The following TRPM7 variants were observed in gnomAD, a reference collection of about 807,000 sequenced individuals.
TRPM7 encodes LTRPC ion channel family member 7.
TRPM7 carries 134 observed loss-of-function variants against 229.7 expected under a neutral mutation model. The ratio of observed to expected loss-of-function variants is 0.58; its 90% CI spans 0.51 to 0.67. The LOEUF is 0.67. TRPM7 is among the 30% of genes least tolerant of loss of function. The pLI is 0.00. For synonymous variants in TRPM7, 699 were observed against 715.2 expected (o/e 0.98, Z 0.36); for missense variants, 1,901 against 2,210.0 (o/e 0.86, Z 2.80).
chr15:50,681,048 C>T (rs1283859251), intron 1 of TRPM7, among the ~76,000 whole-genome samples: 2 of 152,050 alleles, frequency 1.3e-5, no homozygotes, highest in Admixed American at 6.6e-5. Flanking sequence ...GTCAGGAGTT[C>T]GAGACCAGCC....
intron 13 of TRPM7, among the ~76,000 whole-genome samples, chr15:50,616,684 CTTT>C (rs34097559): frequency 3.5e-4 from 52 of 149,530 alleles, no homozygotes; most frequent in Admixed American, 6.7e-4. Flanking sequence ...AAAATGTATG[CTTT>C]TTTTTTTTTT....
chr15:50,588,542 T>A (rs1374639601), intron 27 of TRPM7, among the ~76,000 whole-genome samples: 1 of 152,242 alleles, frequency 6.6e-6, no homozygotes, highest in African/African-American at 2.4e-5. Context: ...ATAATTCACC[T>A]GGATCACATA....
At chr15:50,586,150 T>C (rs1372656712) in intron 28 of TRPM7, among the ~76,000 whole-genome samples, 1 of 152,244 alleles carries the variant, frequency 6.6e-6, no homozygotes, top group East Asian at 1.9e-4. Flanking sequence ...GCAGCAGATT[T>C]ACAAAAAGTT....
intron 10 of TRPM7, among the ~76,000 whole-genome samples, chr15:50,628,594 C>A (rs1194522701): frequency 6.6e-6 from 1 of 152,210 alleles, no homozygotes; most frequent in Admixed American, 6.5e-5. Flanking sequence ...GTGTGAGCCA[C>A]AGTGCCCAGC....
intron 7 of TRPM7, among the ~76,000 whole-genome samples, 162 bp from the exon 8 acceptor site, chr15:50,634,718 A>G (rs1268216656): frequency 6.6e-6 from 1 of 152,218 alleles, no homozygotes; most frequent in Admixed American, 6.5e-5. Context: ...CTTGACTTTA[A>G]GCACTCCACC....
chr15:50,621,121 C>T (rs967407501), intron 12 of TRPM7, among the ~76,000 whole-genome samples: 2 of 134,006 alleles, frequency 1.5e-5, no homozygotes, highest in Non-Finnish European at 1.5e-5. Context: ...GATCGCGCCA[C>T]TGCACTCCAG....
intron 3 of TRPM7, among the ~76,000 whole-genome samples, chr15:50,655,587 A>T (rs1258173343): frequency 6.6e-6 from 1 of 152,152 alleles, no homozygotes; most frequent in Non-Finnish European, 1.5e-5. Context: ...GAAAAAAAAA[A>T]TATTTAAAGT....
intron 3 of TRPM7, among the ~76,000 whole-genome samples, chr15:50,657,221 G>A (rs2061599778): frequency 1.3e-5 from 2 of 152,136 alleles, no homozygotes; most frequent in Non-Finnish European, 2.9e-5. Flanking sequence ...CTACTCGGGA[G>A]GCTGAGGCAG....
intron 19 of TRPM7, among the ~76,000 whole-genome samples, chr15:50,607,885 GAAAAA>G (rs758254672): frequency 9.2e-6 from 1 of 109,268 alleles, no homozygotes; most frequent in Admixed American, 9.7e-5. Flanking sequence ...CATCTCTACT[GAAAAA>G]AAAAAAAAAA....
intron 21 of TRPM7, among the ~76,000 whole-genome samples, chr15:50,601,712 A>C (rs962598676): frequency 6.6e-6 from 1 of 152,122 alleles, no homozygotes; most frequent in Non-Finnish European, 1.5e-5. Context: ...AATGAGTGTG[A>C]GAAGTTTAGC....
chr15:50,674,194 G>A (rs1406632150), intron 1 of TRPM7, among the ~76,000 whole-genome samples: 1 of 152,178 alleles, frequency 6.6e-6, no homozygotes, highest in Non-Finnish European at 1.5e-5. Flanking sequence ...TCACCATGTT[G>A]ACCAGGCTGG....
chr15:50,652,766 T>C (rs1244014919), intron 3 of TRPM7, among the ~76,000 whole-genome samples: 1 of 151,976 alleles, frequency 6.6e-6, no homozygotes, highest in Non-Finnish European at 1.5e-5. Flanking sequence ...CTTAGGAGGC[T>C]GAGGTGGGAA....
chr15:50,596,423 A>G (rs765205439), intron 22 of TRPM7, 42 bp from the exon 23 acceptor site: 8 of 1,440,124 alleles, frequency 5.6e-6, no homozygotes, highest in Admixed American at 2.5e-5. Flanking sequence ...CAACTTAAAA[A>G]TAGTAATTCA....
intron 10 of TRPM7, 43 bp from the exon 11 acceptor site, chr15:50,628,292 T>A: frequency 7.1e-7 from 1 of 1,399,004 alleles, no homozygotes; most frequent in Non-Finnish European, 1.0e-6. Flanking sequence ...AATTAATTTA[T>A]CTCCATTAAA....
At chr15:50,618,137 A>G (rs997152976) in intron 13 of TRPM7, among the ~76,000 whole-genome samples, 4 of 152,212 alleles carry the variant, frequency 2.6e-5, no homozygotes, top group South Asian at 4.1e-4. Context: ...AATGGCTATA[A>G]AAGTGGTGAT....
chr15:50,671,804 G>C (rs796176820), intron 1 of TRPM7, among the ~76,000 whole-genome samples: 1 of 147,440 alleles, frequency 6.8e-6, no homozygotes, highest in Non-Finnish European at 1.5e-5. Flanking sequence ...AACTTGTCTC[G>C]AAAAAAAAAA....
chr15:50,584,410 G>T (rs1401673066), intron 28 of TRPM7, among the ~76,000 whole-genome samples: 1 of 152,186 alleles, frequency 6.6e-6, no homozygotes, highest in East Asian at 1.9e-4. Flanking sequence ...TATACTTGGT[G>T]GAAAAGGGTG....
Position 50,604,965 on chromosome 15 carries a change from T to G in TRPM7, c.2889A>C (p.Leu963Phe). 8.1e-6 allele frequency: 13 copies of G among 1,613,954 alleles called. No homozygotes were observed. Among genetic ancestry groups the G allele is most frequent in the Non-Finnish European group, 1.1e-5 (13 of 1,179,930 alleles). The change falls in exon 21 of 39, where the codon TTA (leucine) becomes TTC (phenylalanine). Residue 963 changes from leucine (L) to phenylalanine (F), a missense_variant. Coordinates refer to ENST00000646667, the MANE Select transcript of TRPM7 (RefSeq NM_017672.6). ...AAAATATTATGTTAAGACAGTAAAT[T>G]AATCTTCCAGCCACAAAAACATGAT... ...YDNHVFVAGR[L>F]IYCLNIIFWY... is the part of the protein sequence containing the mutation.
At chr15:50,648,596 G>C in intron 4 of TRPM7, 91 bp downstream of exon 4, 1 of 1,185,610 alleles carries the variant, frequency 8.4e-7, no homozygotes, top group Non-Finnish European at 1.2e-6. Context: ...AAATTACTGA[G>C]ACCAACTTTT....
Sources: gnomAD v4.1 joint callset for allele counts (sites outside exome capture counted in the v4.1 genomes callset) on GRCh38, gnomAD v4.1.1 for gene constraint, MANE v1.5 for transcripts, NCBI Gene and HGNC (gene_info 2026-07-23, HGNC 2026-07-21) for gene names.